The following ARMC8 variants were observed in gnomAD, a reference collection of about 807,000 sequenced individuals.
The protein encoded by ARMC8 is armadillo repeat-containing protein 8.
ARMC8 carries 20 observed loss-of-function variants against 99.3 expected under a neutral mutation model. The ratio of observed to expected loss-of-function variants is 0.20; its 90% CI spans 0.14 to 0.29. ARMC8 has a LOEUF of 0.29. Among genes scored for constraint, ARMC8 ranks in the 10% least tolerant of loss-of-function variants. The probability of loss-of-function intolerance (pLI) is 1.00; values close to 1 mark genes in which losing one functional copy is unlikely to be tolerated. For synonymous variants in ARMC8, 263 were observed against 278.3 expected (o/e 0.95, Z 0.55); for missense variants, 569 against 809.5 (o/e 0.70, Z 3.60).
intron 2 of ARMC8, among the ~76,000 whole-genome samples, chr3:138,220,980 G>A (rs1254587792): frequency 1.3e-5 from 2 of 152,098 alleles, no homozygotes; most frequent in African/African-American, 2.4e-5. Flanking sequence ...GTGAGTCACC[G>A]TGCCCGGCCA....
rs2049087210 is a variant in ARMC8, at chr3:138,274,478, A to G, written c.1659A>G (p.Gly553=). 1 of 1,612,086 alleles carries G rather than the reference A, an allele frequency of 6.2e-7. No homozygotes were observed. The highest frequency in any genetic ancestry group is 2.2e-5 in the East Asian group (1 of 44,854). The change falls in exon 18 of 22, where the codon GGA becomes GGG. Residue 553 remains glycine, a synonymous_variant. Transcript: ENST00000469044. The stretch of plus-strand genomic sequence containing the variant: ...TAGATAAAATAATGAGTACTCATGG[A>G]AAGCAAATTATGCAAGCCGTCACTC... ...PHIDKIMSTH[G]KQIMQAVTLI...
chr3:138,214,752 G>A (rs1223642352), intron 2 of ARMC8, among the ~76,000 whole-genome samples: 1 of 152,144 alleles, frequency 6.6e-6, no homozygotes, highest in African/African-American at 2.4e-5. Context: ...TGCTTCCTGG[G>A]TTCAAGCAAT....
In ARMC8 at chr3:138,297,755, C is replaced by G. The variant is rs571933834; in HGVS notation, c.*1863C>G. ...TGTGAGAAACCCAGTTAAAAGAAAA[C>G]TTAGTTTATTGGGAAGAAAGCCTCA... is the stretch of plus-strand genomic sequence containing the variant. On this transcript the variant is annotated 3_prime_UTR_variant, in exon 22 of 22. Coordinates refer to ENST00000469044, the MANE Select transcript of ARMC8 (RefSeq NM_001363941.2). 6.6e-6 allele frequency: 1 copy of G among 152,110 alleles called. No individual in the cohort carries two copies. Among genetic ancestry groups the G allele is most frequent in the African/African-American group, 2.4e-5 (1 of 41,418 alleles). 9.4% of individuals were successfully genotyped at this position (152,110 alleles called of 1,614,324 possible).
rs2051443183 is a variant in ARMC8, at chr3:138,295,886, G to A, written c.2016G>A (p.Leu672=). The A allele has an allele frequency of 6.2e-7, 1 of 1,613,450 alleles. No homozygotes were observed. The highest frequency in any genetic ancestry group is 8.5e-7 in the Non-Finnish European group (1 of 1,179,734). The change falls in exon 22 of 22, where the codon CTG becomes CTA. Residue 672 remains leucine (L), a synonymous_variant. Coordinates refer to ENST00000469044, the MANE Select transcript of ARMC8 (RefSeq NM_001363941.2). The stretch of plus-strand genomic sequence containing the variant: ...CAAAGATGGCACTGCAGCAGTACCT[G>A]GCATGATGGGAGTGCCCCTGGGCAC... ...DKAKMALQQY[L]A
intron 5 of ARMC8, among the ~76,000 whole-genome samples, chr3:138,227,765 T>G (rs1000345460): frequency 3.9e-5 from 6 of 152,228 alleles, no homozygotes; most frequent in Non-Finnish European, 8.8e-5. Context: ...TCAGCCTCAT[T>G]TGGAAGCTGA....
intron 12 of ARMC8, chr3:138,261,688 T>G (rs1231149877): frequency 6.6e-6 from 1 of 152,202 alleles, no homozygotes; most frequent in Non-Finnish European, 1.5e-5. Flanking sequence ...CTTAAACGTC[T>G]TTTAAACAGG....
chr3:138,267,354 G>T, intron 15 of ARMC8, 113 bp downstream of exon 15: 1 of 589,916 alleles, frequency 1.7e-6, no homozygotes, highest in South Asian at 2.6e-5. Context: ...AAACTACTTC[G>T]GAATTGTTTG....
chr3:138,254,483 T>A (rs2047284530), intron 12 of ARMC8, among the ~76,000 whole-genome samples: 1 of 152,320 alleles, frequency 6.6e-6, no homozygotes, highest in East Asian at 1.9e-4. Flanking sequence ...GAATCGTTCA[T>A]GTGCCCAGGA....
At chr3:138,258,608 A>T (rs1159834914) in intron 12 of ARMC8, among the ~76,000 whole-genome samples, 1 of 152,196 alleles carries the variant, frequency 6.6e-6, no homozygotes, top group Non-Finnish European at 1.5e-5. Flanking sequence ...CTGGTCATAA[A>T]AGTCTTGTCC....
At chr3:138,216,397 G>A (rs774800) in intron 2 of ARMC8, among the ~76,000 whole-genome samples, 89,338 of 151,976 alleles carry the variant, frequency 0.59, 26,740 homozygotes, top group East Asian at 0.84. Flanking sequence ...AGTTTGAATA[G>A]TAGATCATCA....
At chr3:138,263,389 A>G (rs556990939) in intron 12 of ARMC8, 1 of 230,624 alleles carries the variant, frequency 4.3e-6, no homozygotes, top group African/African-American at 2.3e-5. Context: ...TCACTCTGGA[A>G]GGAACCTGCC....
chr3:138,273,241 A>C, intron 17 of ARMC8, 125 bp downstream of exon 17: 1 of 1,055,040 alleles, frequency 9.5e-7, no homozygotes, highest in Non-Finnish European at 1.4e-6. Flanking sequence ...CCCCCTTCCA[A>C]AGAAACAAGG....
At chr3:138,194,151 T>G (rs1221038236) in intron 1 of ARMC8, among the ~76,000 whole-genome samples, 2 of 151,320 alleles carry the variant, frequency 1.3e-5, no homozygotes, top group Admixed American at 1.3e-4. Flanking sequence ...CATGCCATTC[T>G]CCTGCCTCAG....
chr3:138,193,806 A>C (rs780961155), intron 1 of ARMC8, among the ~76,000 whole-genome samples: 12 of 152,254 alleles, frequency 7.9e-5, no homozygotes, highest in African/African-American at 1.2e-4. Flanking sequence ...ACTTTTAGAC[A>C]TAACACCAAA....
intron 1 of ARMC8, among the ~76,000 whole-genome samples, chr3:138,190,184 A>G (rs192629197): frequency 6.6e-6 from 1 of 151,826 alleles, no homozygotes; most frequent in Non-Finnish European, 1.5e-5. Flanking sequence ...AACTCTTCCT[A>G]CAGCCGCTCC....
chr3:138,270,474 T>A (rs186640260), intron 16 of ARMC8, among the ~76,000 whole-genome samples: 20 of 152,338 alleles, frequency 1.3e-4, no homozygotes, highest in Admixed American at 9.2e-4. Flanking sequence ...TCTCCTTTGC[T>A]CTTCAGAACA....
chr3:138,244,362 C>G (rs1344750200), intron 11 of ARMC8, among the ~76,000 whole-genome samples: 1 of 152,192 alleles, frequency 6.6e-6, no homozygotes, highest in Non-Finnish European at 1.5e-5. Context: ...ACTACAACCT[C>G]TGCCTCCTGG....
intron 1 of ARMC8, among the ~76,000 whole-genome samples, chr3:138,188,870 A>C (rs879543587): frequency 2.0e-5 from 3 of 152,188 alleles, no homozygotes; most frequent in Non-Finnish European, 4.4e-5. Context: ...CCATTTTAGC[A>C]GTCATTTTTT....
intron 1 of ARMC8, among the ~76,000 whole-genome samples, chr3:138,199,895 A>G (rs932008820): frequency 6.6e-6 from 1 of 152,150 alleles, no homozygotes; most frequent in African/African-American, 2.4e-5. Flanking sequence ...AAAAGGAAGT[A>G]TTTTTTGAAC....
Sources: allele counts gnomAD v4.1 joint callset (sites outside exome capture counted in the v4.1 genomes callset), GRCh38; gene constraint gnomAD v4.1.1; transcripts MANE v1.5; gene names NCBI Gene and HGNC (gene_info 2026-07-23, HGNC 2026-07-21).